WHRN: variants seen among roughly 807,000 people sequenced by gnomAD.
WHRN encodes CASK-interacting protein CIP98.
In WHRN, 41 loss-of-function variants were observed where a neutral mutation model predicts 68.3. That is an observed-to-expected ratio of 0.60 (90% CI 0.47 to 0.78). The LOEUF (loss-of-function observed/expected upper bound fraction) is 0.78, where lower values mean the gene tolerates loss of function less well. WHRN is among the 30% of genes least tolerant of loss of function. WHRN has a pLI of 0.00. For missense variants in WHRN, 1,243 were observed against 1,244.7 expected (o/e 1.00, Z 0.02); for synonymous variants, 560 against 561.3 (o/e 1.00, Z 0.03).
intron 1 of WHRN, among the ~76,000 whole-genome samples, chr9:114,485,947 G>A (rs185242888): frequency 6.2e-4 from 94 of 152,188 alleles, no homozygotes; most frequent in African/African-American, 2.1e-3. Flanking sequence ...CCAAAAGATC[G>A]AGACTACGGT....
chr9:114,425,942 A>G (rs1836812835), intron 4 of WHRN: 1 of 514,346 alleles, frequency 1.9e-6, no homozygotes, highest in South Asian at 2.0e-5. Flanking sequence ...TTTTGGATGA[A>G]GCAACTAAGG....
At chr9:114,484,388 C>G (rs908221277) in intron 1 of WHRN, among the ~76,000 whole-genome samples, 1 of 152,220 alleles carries the variant, frequency 6.6e-6, no homozygotes, top group Non-Finnish European at 1.5e-5. Context: ...TTAGCTGTGC[C>G]ACCTCACACA....
At chr9:114,439,865 GTAGA>G (rs1340737601) in intron 3 of WHRN, among the ~76,000 whole-genome samples, 16 of 152,228 alleles carry the variant, frequency 1.1e-4, no homozygotes, top group African/African-American at 3.1e-4. Flanking sequence ...TAAAATATGT[GTAGA>G]TAGTCTACTT....
At chr9:114,409,778 C>T (rs931752654) in intron 7 of WHRN, among the ~76,000 whole-genome samples, 1 of 151,918 alleles carries the variant, frequency 6.6e-6, no homozygotes, top group Non-Finnish European at 1.5e-5. Context: ...ACCTGCTCGA[C>T]AAGGTGTACC....
In WHRN at chr9:114,430,623, T is replaced by A. The variant is rs542575197; in HGVS notation, c.964-4210A>T. On this transcript the variant is annotated intron_variant, in intron 3 of 11. Transcript: ENST00000362057. ...CTTACTTCAGCCTCATCCTAGGCATTAATATGCGTGAAATCCCAGGTTGGC... is the reference window on the plus strand; with the variant it reads ...CTTACTTCAGCCTCATCCTAGGCATAAATATGCGTGAAATCCCAGGTTGGC... Among the ~76,000 whole-genome samples the A allele has an allele frequency of 5.3e-5, 8 of 152,300 alleles. No homozygotes were observed. In the South Asian group the frequency reaches 1.0e-3, roughly 20 times the overall value.
intron 3 of WHRN, among the ~76,000 whole-genome samples, chr9:114,448,440 G>A (rs891611511): frequency 3.9e-5 from 6 of 152,138 alleles, no homozygotes; most frequent in Non-Finnish European, 8.8e-5. Context: ...CACCCAGTGT[G>A]TGGTCATTTG....
intron 3 of WHRN, 116 bp from the exon 4 acceptor site, chr9:114,426,529 G>T (rs1045805595): frequency 7.5e-6 from 9 of 1,193,894 alleles, no homozygotes; most frequent in Non-Finnish European, 1.1e-5. Context: ...AGGTCATCCA[G>T]GATCAGAGAG....
chr9:114,462,166 G>T (rs542026892), intron 3 of WHRN, among the ~76,000 whole-genome samples: 13 of 152,324 alleles, frequency 8.5e-5, no homozygotes, highest in African/African-American at 3.1e-4. Flanking sequence ...CCCTCTTTGT[G>T]CTGGCTGCCA....
chr9:114,496,043 G>A (rs1843428437), intron 1 of WHRN, among the ~76,000 whole-genome samples: 1 of 152,076 alleles, frequency 6.6e-6, no homozygotes, highest in African/African-American at 2.4e-5. Flanking sequence ...ATAAATTACA[G>A]GGTTTTTTTT....
At chr9:114,425,723 G>GT (rs1589111815) in intron 4 of WHRN, 2 of 248,166 alleles carry the variant, frequency 8.1e-6, no homozygotes, top group East Asian at 2.0e-4. Context: ...AGATCAAAAG[G>GT]TGACACATTA....
At chr9:114,466,642 A>G (rs1840724831) in intron 2 of WHRN, among the ~76,000 whole-genome samples, 1 of 152,148 alleles carries the variant, frequency 6.6e-6, no homozygotes, top group Non-Finnish European at 1.5e-5. Flanking sequence ...AGTGGGGGGA[A>G]GGTGCTGAGG....
chr9:114,478,042 G>A (rs900827681), intron 2 of WHRN, among the ~76,000 whole-genome samples: 3 of 152,028 alleles, frequency 2.0e-5, no homozygotes, highest in African/African-American at 7.2e-5. Flanking sequence ...TGGGTCCCAG[G>A]ATAAGTCCTG....
chr9:114,439,114 A>C (rs898584317), intron 3 of WHRN, among the ~76,000 whole-genome samples: 3 of 152,168 alleles, frequency 2.0e-5, no homozygotes, highest in Non-Finnish European at 4.4e-5. Flanking sequence ...TAAACCAAAA[A>C]CTTATTTGGT....
chr9:114,452,279 G>A (rs1299605102), intron 3 of WHRN, among the ~76,000 whole-genome samples: 2 of 152,228 alleles, frequency 1.3e-5, no homozygotes, highest in Admixed American at 1.3e-4. Flanking sequence ...AAAAAGCAGA[G>A]TGTGCAGAAA....
chr9:114,443,070 C>T (rs1388083851), intron 3 of WHRN, among the ~76,000 whole-genome samples: 1 of 152,156 alleles, frequency 6.6e-6, no homozygotes, highest in Non-Finnish European at 1.5e-5. Flanking sequence ...ACCTGCTCTT[C>T]CAAATACATG....
At chr9:114,454,574 A>G (rs1839609954) in intron 3 of WHRN, among the ~76,000 whole-genome samples, 2 of 152,222 alleles carry the variant, frequency 1.3e-5, no homozygotes, top group South Asian at 4.1e-4. Context: ...AAAAACCTAA[A>G]TAAATGGAGA....
chr9:114,422,621 G>GT (rs1836399928), intron 7 of WHRN, among the ~76,000 whole-genome samples: 1 of 152,092 alleles, frequency 6.6e-6, no homozygotes, highest in Admixed American at 6.5e-5. Flanking sequence ...ATCTCCTGAT[G>GT]TCAGGAGTTC....
At position 114,495,192 on chromosome 9, in the gene WHRN, C is replaced by A. The variant is rs76103171; in HGVS notation, c.618+8992G>T. ...CCAAACACCAGGTTGAGGAGCTTGG[C>A]GTCTGCCCTGCAGGCTCCCAGCTCA... On this transcript the variant is annotated intron_variant, in intron 1 of 11. Coordinates refer to ENST00000362057, the MANE Select transcript of WHRN (RefSeq NM_015404.4). Among the ~76,000 whole-genome samples, 262 of 152,352 alleles carry A rather than the reference C, an allele frequency of 1.7e-3. 2 individuals carry two copies. The highest frequency in any genetic ancestry group is 3.2e-3 in the Non-Finnish European group (218 of 68,036).
chr9:114,475,820 A>C (rs1841603361), intron 2 of WHRN, among the ~76,000 whole-genome samples: 1 of 152,124 alleles, frequency 6.6e-6, no homozygotes, highest in South Asian at 2.1e-4. Context: ...CTGTGTCAGG[A>C]AGAGGAGGAA....
Sources: allele counts gnomAD v4.1 joint callset (sites outside exome capture counted in the v4.1 genomes callset), GRCh38; gene constraint gnomAD v4.1.1; transcripts MANE v1.5; gene names NCBI Gene and HGNC (gene_info 2026-07-23, HGNC 2026-07-21).